The following ASIC2 variants were observed in gnomAD, a reference collection of about 807,000 sequenced individuals.
ASIC2 encodes acid-sensing ion channel 2.
ASIC2 carries 25 observed loss-of-function variants against 57.3 expected under a neutral mutation model. The ratio of observed to expected loss-of-function variants is 0.44; its 90% CI spans 0.32 to 0.61. The LOEUF is 0.61. Among genes scored for constraint, ASIC2 ranks in the 20% least tolerant of loss-of-function variants. ASIC2 has a pLI of 0.06. For missense variants in ASIC2, 641 were observed against 738.1 expected (o/e 0.87, Z 1.52); for synonymous variants, 319 against 307.5 (o/e 1.04, Z -0.39).
chr17:34,115,497 T>C (rs1911399922), intron 1 of ASIC2, among the ~76,000 whole-genome samples: 1 of 152,166 alleles, frequency 6.6e-6, no homozygotes. Context: ...TGGAGGACAG[T>C]GGATTCTCAA....
chr17:33,670,819 G>C (rs796273530), intron 1 of ASIC2, among the ~76,000 whole-genome samples: 3 of 152,326 alleles, frequency 2.0e-5, no homozygotes, highest in Admixed American at 6.5e-5. Context: ...ACCAGTCCTA[G>C]AGTTTATCAA....
intron 1 of ASIC2, chr17:34,118,873 G>A (rs1911509114): frequency 6.6e-6 from 1 of 152,308 alleles, no homozygotes; most frequent in African/African-American, 2.4e-5. Context: ...AAGTGGCCTT[G>A]AGCATGGATA....
chr17:34,101,795 A>G (rs1910873740), intron 1 of ASIC2, among the ~76,000 whole-genome samples: 2 of 152,194 alleles, frequency 1.3e-5, no homozygotes, highest in Non-Finnish European at 2.9e-5. Flanking sequence ...TAAGGAATGC[A>G]TTTTATTACG....
chr17:33,713,142 C>T (rs1241729233), intron 1 of ASIC2, among the ~76,000 whole-genome samples: 1 of 152,180 alleles, frequency 6.6e-6, no homozygotes, highest in Non-Finnish European at 1.5e-5. Context: ...GAACAGGTCA[C>T]TAGGACCAGC....
At chr17:33,921,743 C>G (rs919692642) in intron 1 of ASIC2, among the ~76,000 whole-genome samples, 1 of 152,136 alleles carries the variant, frequency 6.6e-6, no homozygotes, top group Non-Finnish European at 1.5e-5. Flanking sequence ...TGGGGAGTTA[C>G]GACCACAGTG....
chr17:33,624,028 T>G (rs1905897627), intron 1 of ASIC2: 1 of 152,252 alleles, frequency 6.6e-6, no homozygotes. Context: ...AAACTCTTCT[T>G]TCTGTGATCT....
At chr17:33,076,118 C>A (rs1403422392) in intron 3 of ASIC2, among the ~76,000 whole-genome samples, 1 of 152,132 alleles carries the variant, frequency 6.6e-6, no homozygotes, top group East Asian at 1.9e-4. Flanking sequence ...TTTGGGGGAA[C>A]TGTGGTCTCT....
chr17:33,610,054 G>GCA (rs57533251), intron 1 of ASIC2, among the ~76,000 whole-genome samples: 32,901 of 144,646 alleles, frequency 0.23, 3,670 homozygotes, highest in East Asian at 0.3. Flanking sequence ...GGACAGAGGC[G>GCA]CACACACACA....
chr17:33,158,613 T>G (rs1272539238), intron 1 of ASIC2, among the ~76,000 whole-genome samples: 1 of 152,220 alleles, frequency 6.6e-6, no homozygotes, highest in Non-Finnish European at 1.5e-5. Flanking sequence ...TTACCAAGCC[T>G]ACTTCTCAGC....
chr17:34,134,230 T>C (rs2142131309), intron 1 of ASIC2, among the ~76,000 whole-genome samples: 1 of 152,284 alleles, frequency 6.6e-6, no homozygotes. Context: ...GGGTGAACAA[T>C]GATTTAATTG....
intron 1 of ASIC2, among the ~76,000 whole-genome samples, chr17:33,549,343 G>A (rs1207470436): frequency 6.6e-6 from 1 of 152,108 alleles, no homozygotes; most frequent in African/African-American, 2.4e-5. Context: ...GCAAAGCTTT[G>A]CTGATGATGA....
chr17:34,062,701 C>T (rs990937634), intron 1 of ASIC2, among the ~76,000 whole-genome samples: 2 of 152,054 alleles, frequency 1.3e-5, no homozygotes, highest in African/African-American at 4.8e-5. Flanking sequence ...ACAACTGACA[C>T]CACTGAAATA....
intron 1 of ASIC2, among the ~76,000 whole-genome samples, chr17:33,432,741 AG>A (rs970417632): frequency 1.3e-5 from 2 of 152,196 alleles, no homozygotes; most frequent in African/African-American, 2.4e-5. Context: ...AAGTGGGCAA[AG>A]GACATGAACA....
At chr17:33,977,902 C>T (rs71379445) in intron 1 of ASIC2, among the ~76,000 whole-genome samples, 2,176 of 152,290 alleles carry the variant, frequency 0.014, 31 homozygotes, top group Non-Finnish European at 0.019. Context: ...CCTGAAAGCA[C>T]GGTGTCTGCA....
chr17:33,527,190 A>G (rs886786719), intron 1 of ASIC2, among the ~76,000 whole-genome samples: 5 of 152,144 alleles, frequency 3.3e-5, no homozygotes, highest in Admixed American at 1.3e-4. Flanking sequence ...GCCAGGGAGG[A>G]GGAGATGGAC....
intron 1 of ASIC2, among the ~76,000 whole-genome samples, chr17:33,643,253 AT>A (rs1906639805): frequency 1.3e-5 from 2 of 151,978 alleles, no homozygotes; most frequent in South Asian, 4.1e-4. Context: ...GATACATAAA[AT>A]TTTGCATCTT....
intron 1 of ASIC2, among the ~76,000 whole-genome samples, chr17:33,541,719 T>A (rs1915417106): frequency 6.6e-6 from 1 of 152,104 alleles, no homozygotes; most frequent in Non-Finnish European, 1.5e-5. Context: ...ATTTACCTAC[T>A]CCCAGAGACT....
chr17:33,586,951 C>T (rs8082500), intron 1 of ASIC2, among the ~76,000 whole-genome samples: 90,838 of 151,680 alleles, frequency 0.6, 28,252 homozygotes, highest in African/African-American at 0.78. Flanking sequence ...CCACACCTAG[C>T]ATCTAGCACT....
intron 3 of ASIC2, among the ~76,000 whole-genome samples, chr17:33,044,363 A>G (rs2091942944): frequency 6.6e-6 from 1 of 151,568 alleles, no homozygotes; most frequent in African/African-American, 2.4e-5. Flanking sequence ...TGTGTCCAAT[A>G]AATATTTTTT....
Sources: allele counts gnomAD v4.1 joint callset (sites outside exome capture counted in the v4.1 genomes callset), GRCh38; gene constraint gnomAD v4.1.1; transcripts MANE v1.5; gene names NCBI Gene and HGNC (gene_info 2026-07-23, HGNC 2026-07-21).